NUBPL: variants seen among roughly 807,000 people sequenced by gnomAD.
NUBPL encodes NUBP iron-sulfur cluster assembly factor, mitochondrial, also known as iron-sulfur cluster transfer protein NUBPL.
NUBPL carries 31 observed loss-of-function variants against 45.7 expected under a neutral mutation model. That is an observed-to-expected ratio of 0.68 (90% CI 0.51 to 0.92). The LOEUF (loss-of-function observed/expected upper bound fraction) is 0.92. Ranked by LOEUF, NUBPL falls within the 40% of genes least tolerant of loss-of-function variation. The pLI is 0.00. For synonymous variants in NUBPL, 144 were observed against 140.9 expected (o/e 1.02, Z -0.15); for missense variants, 401 against 398.7 (o/e 1.01, Z -0.05).
intron 10 of NUBPL, among the ~76,000 whole-genome samples, chr14:31,851,352 A>G (rs2040536323): frequency 6.6e-6 from 1 of 151,798 alleles, no homozygotes; most frequent in Non-Finnish European, 1.5e-5. Context: ...CCTTCTGTGA[A>G]TTGGAAAATA....
At chr14:31,783,035 A>G (rs190628872) in intron 6 of NUBPL, among the ~76,000 whole-genome samples, 6 of 152,282 alleles carry the variant, frequency 3.9e-5, no homozygotes, top group East Asian at 3.9e-4. Flanking sequence ...CCTGTGCACA[A>G]TGGAAATCCA....
chr14:31,574,284 G>C (rs1007007398), intron 3 of NUBPL, among the ~76,000 whole-genome samples: 1 of 150,480 alleles, frequency 6.6e-6, no homozygotes, highest in Non-Finnish European at 1.5e-5. Flanking sequence ...TTTTTTTTGA[G>C]ACAGAGTCTT....
intron 4 of NUBPL, among the ~76,000 whole-genome samples, chr14:31,625,431 C>T (rs1015582017): frequency 2.0e-5 from 3 of 151,272 alleles, no homozygotes; most frequent in Non-Finnish European, 4.4e-5. Flanking sequence ...TTGCTATGCT[C>T]TAGGGATAAG....
intron 6 of NUBPL, among the ~76,000 whole-genome samples, chr14:31,716,267 C>G (rs2037686275): frequency 6.6e-6 from 1 of 152,162 alleles, no homozygotes; most frequent in African/African-American, 2.4e-5. Flanking sequence ...GGAATACACT[C>G]TATAGTAATG....
intron 7 of NUBPL, among the ~76,000 whole-genome samples, chr14:31,822,897 T>G (rs1382802629): frequency 6.6e-6 from 1 of 152,172 alleles, no homozygotes; most frequent in South Asian, 2.1e-4. Context: ...TGTGCTACTG[T>G]GTTAGGGTTA....
At chr14:31,600,388 C>T (rs1388734534) in intron 4 of NUBPL, among the ~76,000 whole-genome samples, 1 of 152,128 alleles carries the variant, frequency 6.6e-6, no homozygotes, top group African/African-American at 2.4e-5. Context: ...CTCACACACC[C>T]ACACTCATTC....
At chr14:31,668,164 C>T (rs528839886) in intron 4 of NUBPL, among the ~76,000 whole-genome samples, 32 of 152,318 alleles carry the variant, frequency 2.1e-4, no homozygotes, top group Non-Finnish European at 3.2e-4. Flanking sequence ...TCCACAGCTG[C>T]GCCTTCCTCC....
chr14:31,739,392 G>C (rs2038235774), intron 6 of NUBPL, among the ~76,000 whole-genome samples: 1 of 151,620 alleles, frequency 6.6e-6, no homozygotes, highest in South Asian at 2.1e-4. Context: ...GCCAAGTGTA[G>C]AGTTTTTGAA....
chr14:31,652,886 G>A lies in NUBPL; in HGVS notation c.383-20469G>A, dbSNP rs144398642. On this transcript the variant is annotated intron_variant, in intron 4 of 10. Transcript: ENST00000281081. ...CATAGGTTCTTTCTATTTTCCCTAC[G>A]TGTCAGCCGGTCTGAGAAATAAAGA... Among the ~76,000 whole-genome samples the A allele has an allele frequency of 2.1e-3, 313 of 152,118 alleles. 13 individuals are homozygous for A. In the East Asian group the frequency reaches 0.05, roughly 24 times the overall value.
At chr14:31,753,566 A>G (rs1480472143) in intron 6 of NUBPL, among the ~76,000 whole-genome samples, 1 of 152,164 alleles carries the variant, frequency 6.6e-6, no homozygotes, top group Non-Finnish European at 1.5e-5. Context: ...GGATGTGGCA[A>G]TGCAGGGGCT....
chr14:31,840,201 C>A (rs995631667), intron 8 of NUBPL, among the ~76,000 whole-genome samples: 1 of 152,092 alleles, frequency 6.6e-6, no homozygotes, highest in Non-Finnish European at 1.5e-5. Context: ...ATGGAATCAA[C>A]CAACAGATGA....
rs1219158680 is a variant in NUBPL, at chr14:31,653,391, T to C, written c.383-19964T>C. Among the ~76,000 whole-genome samples, 3 of 152,170 alleles carry C rather than the reference T, an allele frequency of 2.0e-5. No homozygotes were observed. The East Asian group carries it at 5.8e-4, about 29-fold the overall frequency. On this transcript the variant is annotated intron_variant, in intron 4 of 10. Coordinates refer to ENST00000281081, the MANE Select transcript of NUBPL (RefSeq NM_025152.3). ...GACAGACACTCCCAGAGCAGCCGTTTATAGACCTCCCCCGAGGAATGCAAT... is the reference window on the plus strand; with the variant it reads ...GACAGACACTCCCAGAGCAGCCGTTCATAGACCTCCCCCGAGGAATGCAAT...
chr14:31,724,665 G>A (rs2139958480), intron 6 of NUBPL, among the ~76,000 whole-genome samples: 1 of 152,294 alleles, frequency 6.6e-6, no homozygotes, highest in South Asian at 2.1e-4. Flanking sequence ...CTCACTAATT[G>A]ACAATTTATT....
Position 31,609,663 on chromosome 14 carries a change from CAT to C in NUBPL, c.382+10285_382+10286del, listed in dbSNP as rs900185608. Reference sequence around the variant, plus strand: ...ATGGATCATTCTTAAGGATATACCACATGTTAGGTCACAAAACAAGTCTTAAA... The same window carrying C: ...ATGGATCATTCTTAAGGATATACCACGTTAGGTCACAAAACAAGTCTTAAA... On this transcript the variant is annotated intron_variant, in intron 4 of 10. Coordinates refer to ENST00000281081, the MANE Select transcript of NUBPL (RefSeq NM_025152.3). Among the ~76,000 whole-genome samples the C allele has an allele frequency of 1.2e-4, 18 of 152,064 alleles. No individual in the cohort carries two copies. The East Asian group carries it at 2.1e-3, about 18-fold the overall frequency.
intron 4 of NUBPL, among the ~76,000 whole-genome samples, chr14:31,664,199 C>T (rs934566093): frequency 2.0e-5 from 3 of 152,146 alleles, no homozygotes; most frequent in African/African-American, 4.8e-5. Context: ...ATTTGACTTC[C>T]TCTCTTCCTA....
In NUBPL at chr14:31,775,564, C is replaced by T. The variant is rs114645358; in HGVS notation, c.514-12216C>T. On this transcript the variant is annotated intron_variant, in intron 6 of 10. Coordinates refer to ENST00000281081, the MANE Select transcript of NUBPL (RefSeq NM_025152.3). ...CTGACTCAAGTCTGAACTGTTGCGC[C>T]TGATCTGTACCTCATCCTACCCTTC... Among the ~76,000 whole-genome samples, 326 of 152,326 alleles carry T rather than the reference C, an allele frequency of 2.1e-3. 3 individuals are homozygous for T. The highest frequency in any genetic ancestry group is 7.4e-3 in the African/African-American group (309 of 41,560).
At chr14:31,576,393 C>T (rs1185785145) in intron 3 of NUBPL, among the ~76,000 whole-genome samples, 3 of 152,154 alleles carry the variant, frequency 2.0e-5, no homozygotes, top group Non-Finnish European at 4.4e-5. Flanking sequence ...TCCTGAGTAG[C>T]TGGGACTATA....
intron 2 of NUBPL, among the ~76,000 whole-genome samples, chr14:31,563,163 G>T (rs1456384270): frequency 6.6e-6 from 1 of 151,974 alleles, no homozygotes; most frequent in Non-Finnish European, 1.5e-5. Flanking sequence ...GAAGCTCTTA[G>T]TTTTTGGTTC....
At chr14:31,683,030 T>TTTC (rs2036867993) in intron 6 of NUBPL, among the ~76,000 whole-genome samples, 2 of 149,868 alleles carry the variant, frequency 1.3e-5, no homozygotes, top group Admixed American at 6.6e-5. Flanking sequence ...TTTTTTTTTT[T>TTTC]TTTTTGACAA....
Sources: allele counts gnomAD v4.1 joint callset (sites outside exome capture counted in the v4.1 genomes callset), GRCh38; gene constraint gnomAD v4.1.1; transcripts MANE v1.5; gene names NCBI Gene and HGNC (gene_info 2026-07-23, HGNC 2026-07-21).